SLC2A9: variants seen among roughly 807,000 people sequenced by gnomAD.
SLC2A9 encodes solute carrier family 2 member 9, also known as solute carrier family 2, facilitated glucose transporter member 9.
Under a neutral mutation model 50.6 loss-of-function variants are expected in SLC2A9, and 39 were observed. The observed-to-expected ratio is 0.77, with a 90% CI of 0.60 to 1.01. The LOEUF (loss-of-function observed/expected upper bound fraction) is 1.01. SLC2A9 is among the 50% of genes least tolerant of loss of function. The probability of loss-of-function intolerance (pLI) is 0.00; values close to 1 mark genes in which losing one functional copy is unlikely to be tolerated. For synonymous variants in SLC2A9, 324 were observed against 276.9 expected (o/e 1.17, Z -1.69); for missense variants, 686 against 677.6 (o/e 1.01, Z -0.14).
intron 3 of SLC2A9, among the ~76,000 whole-genome samples, chr4:9,819,023 G>A (rs1462526514): frequency 2.0e-5 from 3 of 151,204 alleles, no homozygotes; most frequent in East Asian, 2.0e-4. Flanking sequence ...TCGGGAGACT[G>A]AGGCAGAATG....
chr4:9,929,630 G>A (rs1304391733), intron 6 of SLC2A9, among the ~76,000 whole-genome samples: 1 of 152,218 alleles, frequency 6.6e-6, no homozygotes, highest in Non-Finnish European at 1.5e-5. Context: ...TGAAATTAGA[G>A]TGGGCAGAGG....
At chr4:9,886,228 G>A (rs1736175200) in intron 10 of SLC2A9, among the ~76,000 whole-genome samples, 1 of 152,206 alleles carries the variant, frequency 6.6e-6, no homozygotes. Flanking sequence ...GCCGTAGGCT[G>A]GACACCTCCA....
At chr4:10,024,039 C>G (rs1421802147), upstream of SLC2A9, among the ~76,000 whole-genome samples, 1 of 152,212 alleles carries the variant, frequency 6.6e-6, no homozygotes, top group African/African-American at 2.4e-5. Flanking sequence ...TTATGAAGCT[C>G]CTACTCATTC....
chr4:10,026,191 T>C (rs1006285201), upstream of SLC2A9, among the ~76,000 whole-genome samples: 15 of 152,224 alleles, frequency 9.9e-5, no homozygotes, highest in African/African-American at 3.4e-4. Flanking sequence ...TCAGTTTCTC[T>C]ATTTTTGAGT....
chr4:9,865,876 G>A (rs1418559181), intron 10 of SLC2A9, among the ~76,000 whole-genome samples: 1 of 152,220 alleles, frequency 6.6e-6, no homozygotes, highest in Non-Finnish European at 1.5e-5. Context: ...ACACTGGTTT[G>A]CAGGAATCTG....
chr4:9,844,547 G>A (rs913045866), intron 10 of SLC2A9, among the ~76,000 whole-genome samples: 1 of 152,172 alleles, frequency 6.6e-6, no homozygotes, highest in South Asian at 2.1e-4. Flanking sequence ...ATGTTCAAGT[G>A]AAAAGGAATT....
intron 7 of SLC2A9, among the ~76,000 whole-genome samples, chr4:9,910,481 T>C (rs1741524574): frequency 6.6e-6 from 1 of 152,254 alleles, no homozygotes; most frequent in African/African-American, 2.4e-5. Flanking sequence ...TTCTTAATCA[T>C]CAGCCAAATT....
At position 9,884,793 on chromosome 4, in the gene SLC2A9, G is replaced by A. The variant is rs545697889; in HGVS notation, c.1291+2774C>T. ...CCAAATGCTCATCAATGATAGACTG[G>A]ATAAAGAAAATGTGGTACATATGTA... On this transcript the variant is annotated intron_variant, in intron 10 of 11. Transcript: ENST00000264784. Among the ~76,000 whole-genome samples, 3 of 152,228 alleles carry A rather than the reference G, an allele frequency of 2.0e-5. No homozygotes were observed. The East Asian group carries it at 5.8e-4, about 29-fold the overall frequency.
chr4:9,980,402 G>T (rs535671185), intron 5 of SLC2A9, among the ~76,000 whole-genome samples, 190 bp downstream of exon 5: 1 of 152,060 alleles, frequency 6.6e-6, no homozygotes, highest in Non-Finnish European at 1.5e-5. Context: ...GTTTCAATTT[G>T]TTATGTATTC....
chr4:9,863,106 C>T (rs1186498144), intron 10 of SLC2A9, among the ~76,000 whole-genome samples: 2 of 151,914 alleles, frequency 1.3e-5, no homozygotes, highest in Non-Finnish European at 2.9e-5. Context: ...ACTTCTGTGT[C>T]ATCAGTACAG....
At chr4:9,978,183 G>A (rs548869720) in intron 5 of SLC2A9, among the ~76,000 whole-genome samples, 38 of 152,256 alleles carry the variant, frequency 2.5e-4, no homozygotes, top group South Asian at 2.1e-4. Context: ...GAGGTGAGTC[G>A]ACCTTCCCAA....
intron 8 of SLC2A9, among the ~76,000 whole-genome samples, chr4:9,895,414 G>C (rs986817853): frequency 1.3e-5 from 2 of 152,216 alleles, no homozygotes; most frequent in East Asian, 3.9e-4. Context: ...GAAGGGATTA[G>C]AGCGAACGTG....
intron 8 of SLC2A9, among the ~76,000 whole-genome samples, chr4:9,893,728 G>A (rs1321241191): frequency 6.6e-6 from 1 of 152,148 alleles, no homozygotes; most frequent in Non-Finnish European, 1.5e-5. Context: ...CAAGGGAGCT[G>A]GGTCCTAGTG....
intron 4 of SLC2A9, among the ~76,000 whole-genome samples, chr4:9,984,067 T>C (rs995131352): frequency 6.6e-6 from 1 of 152,258 alleles, no homozygotes; most frequent in African/African-American, 2.4e-5. Flanking sequence ...CCAGCCATTA[T>C]TCTTATGGAT....
At chr4:10,018,539 T>C (rs1006029171) in intron 2 of SLC2A9, among the ~76,000 whole-genome samples, 2 of 69,536 alleles carry the variant, frequency 2.9e-5, no homozygotes, top group African/African-American at 8.6e-5. Flanking sequence ...AGACTCCATC[T>C]CAAAGATGAT....
intron 6 of SLC2A9, among the ~76,000 whole-genome samples, chr4:9,936,397 C>T (rs1316082033): frequency 2.0e-5 from 3 of 152,268 alleles, no homozygotes; most frequent in Non-Finnish European, 1.5e-5. Flanking sequence ...GGGCTGGACC[C>T]CAGCTCTGCT....
intron 3 of SLC2A9, among the ~76,000 whole-genome samples, chr4:9,816,878 T>A (rs1316022725): frequency 6.6e-6 from 1 of 151,424 alleles, no homozygotes; most frequent in Non-Finnish European, 1.5e-5. Flanking sequence ...ACAACAAAAA[T>A]TTATTATCTT....
In SLC2A9 at chr4:9,782,898, A is replaced by AG. The variant is rs768058542; in HGVS notation, n.386-2834dup. 15 of 1,613,862 alleles carry AG rather than the reference A, an allele frequency of 9.3e-6. No individual in the cohort carries two copies. The Admixed American group carries it at 1.5e-4, about 16-fold the overall frequency. On this transcript the variant is annotated intron_variant and non_coding_transcript_variant, in intron 3 of 3. Transcript: ENST00000503803. ...ACCAGCCTGCGCGCTTCCATCAAGA[A>AG]GGAGACCAAGGTTCTCAAGACCCTG...
intron 1 of SLC2A9, among the ~76,000 whole-genome samples, chr4:10,020,863 C>T (rs1300781112): frequency 3.9e-5 from 6 of 152,348 alleles, no homozygotes; most frequent in Non-Finnish European, 7.4e-5. Context: ...CTGTGCTCCC[C>T]GGAGCCCCCT....
Sources: gnomAD v4.1 joint callset for allele counts (sites outside exome capture counted in the v4.1 genomes callset) on GRCh38, gnomAD v4.1.1 for gene constraint, MANE v1.5 for transcripts, NCBI Gene and HGNC (gene_info 2026-07-23, HGNC 2026-07-21) for gene names.